Variants in MYO10 observed in about 807,000 individuals in gnomAD.
The protein encoded by MYO10 is unconventional myosin-X.
A neutral mutation model predicts 257.3 loss-of-function variants in MYO10; 133 were observed. The ratio of observed to expected loss-of-function variants is 0.52; its 90% CI spans 0.45 to 0.60. MYO10 has a LOEUF of 0.60. Among genes scored for constraint, MYO10 ranks in the 20% least tolerant of loss-of-function variants. The probability of loss-of-function intolerance (pLI) is 0.00; values close to 1 mark genes in which losing one functional copy is unlikely to be tolerated. For synonymous variants in MYO10, 1,104 were observed against 1,028.6 expected (o/e 1.07, Z -1.40); for missense variants, 2,399 against 2,635.7 (o/e 0.91, Z 1.97).
At chr5:16,734,669 G>A (rs1739718874) in intron 19 of MYO10, among the ~76,000 whole-genome samples, 1 of 152,128 alleles carries the variant, frequency 6.6e-6, no homozygotes, top group Non-Finnish European at 1.5e-5. Context: ...GCCGGACGTG[G>A]TGGCGCACAC....
In MYO10 at chr5:16,698,307, G is replaced by T. The variant is rs192419146; in HGVS notation, c.3556+1143C>A. ...GAACCTGAGTTCAAGGCTGCAGTGA[G>T]CCATGACCACACCACTGCCCTCTAG... On this transcript the variant is annotated intron_variant, in intron 26 of 40. Transcript: ENST00000513610. Among the ~76,000 whole-genome samples, 79 of 152,286 alleles carry T rather than the reference G, an allele frequency of 5.2e-4. 2 individuals carry two copies. Among genetic ancestry groups the T allele is most frequent in the Admixed American group, 4.5e-3 (69 of 15,298 alleles).
chr5:16,914,985 G>A (rs1246495090), intron 1 of MYO10, among the ~76,000 whole-genome samples: 1 of 152,158 alleles, frequency 6.6e-6, no homozygotes, highest in African/African-American at 2.4e-5. Flanking sequence ...TCCCAGAAAT[G>A]CCAAAGTCAC....
chr5:16,806,419 G>T (rs565172130), intron 3 of MYO10, among the ~76,000 whole-genome samples: 1 of 151,718 alleles, frequency 6.6e-6, no homozygotes, highest in African/African-American at 2.4e-5. Context: ...GGCAGAGGCG[G>T]GCGGATCACG....
At chr5:16,823,713 C>T (rs1742911039) in intron 2 of MYO10, among the ~76,000 whole-genome samples, 1 of 150,328 alleles carries the variant, frequency 6.7e-6, no homozygotes, top group South Asian at 2.1e-4. Context: ...ACCTCGTGAT[C>T]TGCCCGCCTT....
At chr5:16,914,391 T>C (rs1461342254) in intron 1 of MYO10, among the ~76,000 whole-genome samples, 3 of 152,168 alleles carry the variant, frequency 2.0e-5, no homozygotes, top group Admixed American at 2.0e-4. Flanking sequence ...CCCATTCTTA[T>C]AAGAACCTAA....
chr5:16,747,489 T>C (rs1740229484), intron 19 of MYO10, among the ~76,000 whole-genome samples: 1 of 152,132 alleles, frequency 6.6e-6, no homozygotes, highest in African/African-American at 2.4e-5. Context: ...TGCAGCAGGG[T>C]GCAAAGGCTG....
chr5:16,720,012 GTGTGTGTGTGTA>G (rs1212493358), intron 19 of MYO10, among the ~76,000 whole-genome samples: 14 of 148,508 alleles, frequency 9.4e-5, no homozygotes, highest in African/African-American at 2.9e-4. Flanking sequence ...GTGTGTGTGT[GTGTGTGTGTGTA>G]TATGTATGTA....
At chr5:16,700,786 A>G (rs1012606117) in intron 25 of MYO10, among the ~76,000 whole-genome samples, 177 bp downstream of exon 25, 1 of 152,222 alleles carries the variant, frequency 6.6e-6, no homozygotes, top group African/African-American at 2.4e-5. Context: ...TCAAAGTTCT[A>G]CTTATGAATG....
intron 19 of MYO10, among the ~76,000 whole-genome samples, chr5:16,752,424 A>G (rs372299666): frequency 2.6e-4 from 39 of 152,302 alleles, no homozygotes; most frequent in African/African-American, 9.1e-4. Flanking sequence ...CTGGGACTAC[A>G]GACGTGTGCC....
intron 2 of MYO10, among the ~76,000 whole-genome samples, chr5:16,843,983 C>G (rs1258877403): frequency 1.3e-5 from 2 of 152,182 alleles, no homozygotes; most frequent in Non-Finnish European, 2.9e-5. Flanking sequence ...TTTCTCCCAA[C>G]AAGCACAAAG....
intron 2 of MYO10, among the ~76,000 whole-genome samples, chr5:16,856,155 T>A (rs1743955070): frequency 6.6e-6 from 1 of 152,214 alleles, no homozygotes; most frequent in Non-Finnish European, 1.5e-5. Context: ...CCCTTAAAAA[T>A]TCATTAGAAT....
intron 21 of MYO10, among the ~76,000 whole-genome samples, chr5:16,709,193 T>C (rs1282226217): frequency 6.6e-6 from 1 of 152,052 alleles, no homozygotes; most frequent in Non-Finnish European, 1.5e-5. Flanking sequence ...CTGAGGAATG[T>C]CAAAAAAGGA....
Position 16,715,553 on chromosome 5 carries a change from G to A in MYO10, c.1930-4308C>T, listed in dbSNP as rs556173755. Reference sequence around the variant, plus strand: ...AACTTCAAGTAATCTGCCTGCCTCCGCCTCCCAAAGTGCTGGGATTACAGG... The same window carrying A: ...AACTTCAAGTAATCTGCCTGCCTCCACCTCCCAAAGTGCTGGGATTACAGG... On this transcript the variant is annotated intron_variant, in intron 19 of 40. Coordinates refer to ENST00000513610, the MANE Select transcript of MYO10 (RefSeq NM_012334.3). Among the ~76,000 whole-genome samples, 97 of 62,040 alleles carry A rather than the reference G, an allele frequency of 1.6e-3. 1 individual carries two copies. Among genetic ancestry groups the A allele is most frequent in the Non-Finnish European group, 3.0e-3 (67 of 22,550 alleles). The allele number at this position is 62,040 out of a possible 152,430, so 40.7% of individuals were successfully genotyped here. A position where few individuals can be genotyped will look rare whatever the true frequency, so the allele number is the denominator to read the frequency against.
chr5:16,818,228 G>T, intron 2 of MYO10, 61 bp from the exon 3 acceptor site: 3 of 1,340,412 alleles, frequency 2.2e-6, no homozygotes, highest in Admixed American at 2.5e-5. Flanking sequence ...TTTCACACAA[G>T]TTTCCCAAAC....
chr5:16,827,191 C>A (rs1285493265), intron 2 of MYO10, among the ~76,000 whole-genome samples: 1 of 152,174 alleles, frequency 6.6e-6, no homozygotes, highest in Admixed American at 6.5e-5. Context: ...ACTCTGCTAG[C>A]GTGCGGAGGA....
At chr5:16,738,620 T>C (rs1739898373) in intron 19 of MYO10, among the ~76,000 whole-genome samples, 1 of 151,766 alleles carries the variant, frequency 6.6e-6, no homozygotes, top group Non-Finnish European at 1.5e-5. Context: ...AGGCCGAGCA[T>C]GGTGACTCAG....
intron 9 of MYO10, among the ~76,000 whole-genome samples, chr5:16,777,836 TAA>T (rs1560979437): frequency 2.9e-5 from 4 of 136,670 alleles, no homozygotes; most frequent in African/African-American, 1.2e-4. Context: ...GCATTGCATC[TAA>T]CTTTTTTTTT....
At chr5:16,691,285 A>AG (rs1161114058) in intron 27 of MYO10, among the ~76,000 whole-genome samples, 3 of 149,176 alleles carry the variant, frequency 2.0e-5, no homozygotes, top group Admixed American at 6.7e-5. Flanking sequence ...AAAAAAAAAA[A>AG]GTACAAATGT....
intron 2 of MYO10, among the ~76,000 whole-genome samples, chr5:16,839,034 A>C (rs1023895399): frequency 3.3e-5 from 5 of 152,218 alleles, no homozygotes; most frequent in Non-Finnish European, 5.9e-5. Context: ...AAGATGTACA[A>C]GGAGATTCAT....
Sources: gnomAD v4.1 joint callset for allele counts (sites outside exome capture counted in the v4.1 genomes callset) on GRCh38, gnomAD v4.1.1 for gene constraint, MANE v1.5 for transcripts, NCBI Gene and HGNC (gene_info 2026-07-23, HGNC 2026-07-21) for gene names.